The following IGHMBP2 variants were observed in gnomAD, a reference collection of about 807,000 sequenced individuals.
The protein encoded by IGHMBP2 is DNA-binding protein SMUBP-2.
In IGHMBP2, 81 loss-of-function variants were observed where a neutral mutation model predicts 96.0. That is an observed-to-expected ratio of 0.84 (90% CI 0.71 to 1.01). IGHMBP2 has a LOEUF of 1.01. IGHMBP2 is among the 50% of genes least tolerant of loss of function. The probability of loss-of-function intolerance (pLI) is 0.00; values close to 1 mark genes in which losing one functional copy is unlikely to be tolerated. For synonymous variants in IGHMBP2, 557 were observed against 548.9 expected (o/e 1.01, Z -0.21); for missense variants, 1,227 against 1,306.3 (o/e 0.94, Z 0.94).
intron 12 of IGHMBP2, 92 bp downstream of exon 12, chr11:68,935,514 G>A: frequency 1.3e-6 from 2 of 1,481,682 alleles, no homozygotes; most frequent in African/African-American, 1.4e-5. Context: ...GTGCCACACT[G>A]GTTTCTGGCA....
intron 7 of IGHMBP2, among the ~76,000 whole-genome samples, chr11:68,919,164 TCTCTC>T (rs1253812903): frequency 6.6e-6 from 1 of 151,462 alleles, no homozygotes; most frequent in African/African-American, 2.4e-5. Context: ...CTGTTGTTGA[TCTCTC>T]CTCTCCTCTC....
At chr11:68,914,335 T>C (rs1373784042) in intron 5 of IGHMBP2, among the ~76,000 whole-genome samples, 2 of 151,022 alleles carry the variant, frequency 1.3e-5, no homozygotes, top group Non-Finnish European at 2.9e-5. Context: ...GGAGCTACAG[T>C]GTTCGGGAGA....
At chr11:68,904,668 CG>C (rs1171541722) in intron 1 of IGHMBP2, among the ~76,000 whole-genome samples, 7 of 152,114 alleles carry the variant, frequency 4.6e-5, no homozygotes, top group African/African-American at 1.7e-4. Flanking sequence ...ATGTGAGAGC[CG>C]GGCTTGTTTC....
rs981677805 is a variant in IGHMBP2 at position 68,915,323 on chromosome 11, G to A, written c.912+300G>A. On this transcript the variant is annotated intron_variant, in intron 6 of 14. Transcript: ENST00000255078. ...GCCTCCCTAGTAGCTGGGACTGCAG[G>A]TGCGTGTCACCACGCCTGGCTAATT... 5.3e-5 allele frequency among the ~76,000 whole-genome samples: 8 copies of A among 151,660 alleles called. No individual in the cohort carries two copies. The South Asian group carries it at 6.3e-4, about 12-fold the overall frequency.
intron 7 of IGHMBP2, among the ~76,000 whole-genome samples, chr11:68,923,655 T>A (rs1052333076): frequency 6.6e-6 from 1 of 152,148 alleles, no homozygotes. Context: ...CCCTTTGAGC[T>A]TTCTACCCAA....
chr11:68,925,638 C>T (rs1859037854), intron 7 of IGHMBP2, among the ~76,000 whole-genome samples: 1 of 152,132 alleles, frequency 6.6e-6, no homozygotes, highest in Non-Finnish European at 1.5e-5. Context: ...TCTTGAAGGG[C>T]AGGTTTGCTG....
chr11:68,934,536 T>A lies in IGHMBP2; in HGVS notation c.1610T>A (p.Val537Glu), dbSNP rs749172831. The A allele has an allele frequency of 3.1e-6, 5 of 1,612,658 alleles. No homozygotes were observed. The South Asian group carries it at 5.5e-5, about 18-fold the overall frequency. ...GGTGTTCCAGCCCGTGACATTGCTGTGGTCTCGCCATACAACCTCCAGGTA... is the reference window on the plus strand; with the variant it reads ...GGTGTTCCAGCCCGTGACATTGCTGAGGTCTCGCCATACAACCTCCAGGTA... ...DAGVPARDIA[V>E]VSPYNLQVDL... The change falls in exon 11 of 15, where the codon GTG (valine) becomes GAG (glutamate). Residue 537 changes from valine (V) to glutamate (E), a missense_variant. By Grantham distance (121) the Val-to-Glu change is moderately radical (BLOSUM62 -2). Transcript: ENST00000255078.
chr11:68,906,673 G>T (rs1304631837), intron 2 of IGHMBP2, among the ~76,000 whole-genome samples: 1 of 114,464 alleles, frequency 8.7e-6, no homozygotes, highest in African/African-American at 3.7e-5. Flanking sequence ...ACAGAGTTTC[G>T]CTCTTATTGC....
chr11:68,913,043 CAAAAAA>C (rs71043469), intron 5 of IGHMBP2, among the ~76,000 whole-genome samples: 15 of 37,478 alleles, frequency 4.0e-4, no homozygotes, highest in South Asian at 3.6e-3. Context: ...ACTCCATCTC[CAAAAAA>C]AAAAAAAAAA....
rs1185059973 is a variant in IGHMBP2, at chr11:68,908,560, A to G, written c.476A>G (p.His159Arg). ...KKALIALKKY[H>R]SGPASSLIEV... The stretch of plus-strand genomic sequence containing the variant: ...GCCCTGATTGCTCTAAAGAAGTATC[A>G]TTCTGGCCCAGCCTCCTCACTCATA... The change falls in exon 4 of 15, where the codon CAT becomes CGT. Residue 159 changes from histidine to arginine, a missense_variant. Coordinates refer to ENST00000255078, the MANE Select transcript of IGHMBP2 (RefSeq NM_002180.3). The G allele has an allele frequency of 1.2e-6, 2 of 1,613,986 alleles. No individual in the cohort carries two copies. The highest frequency in any genetic ancestry group is 3.3e-5 in the Admixed American group (2 of 60,016).
At chr11:68,917,212 C>T (rs895487300) in intron 6 of IGHMBP2, among the ~76,000 whole-genome samples, 8 of 151,952 alleles carry the variant, frequency 5.3e-5, no homozygotes, top group Admixed American at 2.0e-4. Flanking sequence ...TTCCTGAGCT[C>T]GTGATCTGCC....
Position 68,929,337 on chromosome 11 carries a change from C to T in IGHMBP2, c.1215C>T (p.Pro405=), listed in dbSNP as rs1859185686. ...CILAGDHKQL[P]PTTVSHKAAL... is the part of the protein sequence containing the mutation. ...TGGCGGGCGATCACAAGCAGCTGCC[C>T]CCCACCACAGTCTCTCACAAGTAAG... Residue 405 remains proline, a synonymous_variant, in exon 8 of 15, where the codon CCC becomes CCT. Transcript: ENST00000255078. 6.2e-7 allele frequency: 1 copy of T among 1,613,340 alleles called. No homozygotes were observed. Among genetic ancestry groups the T allele is most frequent in the Non-Finnish European group, 8.5e-7 (1 of 1,180,002 alleles).
chr11:68,929,952 G>C (rs1859214216), intron 8 of IGHMBP2: 1 of 1,081,830 alleles, frequency 9.2e-7, no homozygotes, highest in Non-Finnish European at 1.1e-6. Context: ...TGTCTTGGTG[G>C]AGAAAGTGCT....
Position 68,911,501 on chromosome 11 carries a change from G to C in IGHMBP2, c.609G>C (p.Ala203=), listed in dbSNP as rs761677597. Residue 203 remains alanine, a synonymous_variant, in exon 5 of 15, where the codon GCG becomes GCC. Coordinates refer to ENST00000255078, the MANE Select transcript of IGHMBP2 (RefSeq NM_002180.3). The part of the protein sequence containing the change: ...DTSQKEAVLF[A]LSQKELAIIH... The stretch of plus-strand genomic sequence containing the variant: ...CCCAGAAAGAAGCGGTTTTATTTGC[G>C]CTGTCTCAGAAAGAACTTGCCATCA... 6.2e-7 allele frequency: 1 copy of C among 1,614,102 alleles called. No homozygotes were observed. Among genetic ancestry groups the C allele is most frequent in the East Asian group, 2.2e-5 (1 of 44,876 alleles).
At chr11:68,909,198 C>T (rs1454975695) in intron 4 of IGHMBP2, among the ~76,000 whole-genome samples, 2 of 89,718 alleles carry the variant, frequency 2.2e-5, no homozygotes, top group Non-Finnish European at 4.5e-5. Flanking sequence ...AGGGGGGGGG[C>T]GGATGGAGTC....
intron 2 of IGHMBP2, 24 bp from the exon 3 acceptor site, chr11:68,908,121 G>A (rs1288819696): frequency 6.2e-7 from 1 of 1,600,076 alleles, no homozygotes; most frequent in Non-Finnish European, 8.6e-7. Flanking sequence ...AGTGTCTTGT[G>A]TCACTGAGTC....
chr11:68,923,798 C>T (rs555487627), intron 7 of IGHMBP2, among the ~76,000 whole-genome samples: 1 of 152,132 alleles, frequency 6.6e-6, no homozygotes. Flanking sequence ...TAGTTTTCTC[C>T]TAAGCATGTG....
chr11:68,938,713 G>A (rs939809850), intron 14 of IGHMBP2, among the ~76,000 whole-genome samples: 1 of 152,122 alleles, frequency 6.6e-6, no homozygotes, highest in Non-Finnish European at 1.5e-5. Context: ...TGGCCCGGCT[G>A]CTGTGTCATT....
In IGHMBP2 at chr11:68,936,506, G is replaced by C; in HGVS notation, c.2026G>C (p.Gly676Arg). 1 of 1,613,664 alleles carries C rather than the reference G, an allele frequency of 6.2e-7. No homozygotes were observed. The highest frequency in any genetic ancestry group is 8.5e-7 in the Non-Finnish European group (1 of 1,179,924). ...GGGACCTGCTACGTCCACCAGGACCGGAAGCCAGCGGCAGGAGGGAGGCCA... is the reference window on the plus strand; with the variant it reads ...GGGACCTGCTACGTCCACCAGGACCCGAAGCCAGCGGCAGGAGGGAGGCCA... ...PQGPATSTRT[G>R]SQRQEGGQEA... The change falls in exon 13 of 15, where the codon GGA (glycine) becomes CGA (arginine). Residue 676 changes from glycine to arginine, a missense_variant. Transcript: ENST00000255078.
Sources: gnomAD v4.1 joint callset for allele counts (sites outside exome capture counted in the v4.1 genomes callset) on GRCh38, gnomAD v4.1.1 for gene constraint, MANE v1.5 for transcripts, NCBI Gene and HGNC (gene_info 2026-07-23, HGNC 2026-07-21) for gene names.